Variants in ANO2 observed in about 807,000 individuals in gnomAD.
ANO2 encodes anoctamin 2.
A neutral mutation model predicts 124.2 loss-of-function variants in ANO2; 101 were observed. The observed-to-expected ratio is 0.81, with a 90% confidence interval of 0.69 to 0.96. The LOEUF (loss-of-function observed/expected upper bound fraction) is 0.96, where lower values mean the gene tolerates loss of function less well. Ranked by LOEUF, ANO2 falls within the 40% of genes least tolerant of loss-of-function variation. ANO2 has a pLI of 0.00. For synonymous variants in ANO2, 486 were observed against 482.5 expected (o/e 1.01, Z -0.09); for missense variants, 1,293 against 1,274.5 (o/e 1.01, Z -0.22).
In ANO2 at chr12:5,612,638, G is replaced by A; in HGVS notation, c.2087+18C>T. 1 of 1,606,334 alleles carries A rather than the reference G, an allele frequency of 6.2e-7. No homozygotes were observed. Among genetic ancestry groups the A allele is most frequent in the Non-Finnish European group, 8.5e-7 (1 of 1,173,014 alleles). On this transcript the variant is annotated intron_variant, in intron 19 of 24. Transcript: ENST00000682330. ...CCCCTGGCAGCAAGGAGAGAGGTTA[G>A]AGGAGTTCATTACATACGGGACTCC... is the stretch of plus-strand genomic sequence containing the variant.
Position 5,624,129 on chromosome 12 carries a change from A to G in ANO2, c.1817-8832T>C, listed in dbSNP as rs145209197. Reference sequence around the variant, plus strand: ...AGTCAGAAAGGTAACTCTTGCCCCTATGCAAAGGAGCATGAGACCTACTGA... The same window carrying G: ...AGTCAGAAAGGTAACTCTTGCCCCTGTGCAAAGGAGCATGAGACCTACTGA... On this transcript the variant is annotated intron_variant, in intron 16 of 24. Transcript: ENST00000682330. 3.6e-3 allele frequency among the ~76,000 whole-genome samples: 542 copies of G among 152,272 alleles called. 8 individuals carry two copies. Among genetic ancestry groups the G allele is most frequent in the African/African-American group, 0.013 (522 of 41,558 alleles).
At chr12:5,831,388 A>C (rs964489507) in intron 5 of ANO2, among the ~76,000 whole-genome samples, 1 of 152,208 alleles carries the variant, frequency 6.6e-6, no homozygotes, top group African/African-American at 2.4e-5. Context: ...GTGCATGTGA[A>C]GTGACCATTC....
intron 19 of ANO2, among the ~76,000 whole-genome samples, chr12:5,600,950 T>C (rs1464477934): frequency 1.2e-4 from 19 of 152,236 alleles, no homozygotes. Context: ...TAACAGCTAA[T>C]GAAAATCTAA....
intron 4 of ANO2, chr12:5,839,732 T>C (rs76082116): frequency 0.086 from 36,401 of 423,030 alleles, 2,102 homozygotes; most frequent in East Asian, 0.24. Flanking sequence ...CATCATTTCA[T>C]CCACGGTCCA....
Position 5,677,587 on chromosome 12 carries a change from G to T in ANO2, c.1546-29786C>A, listed in dbSNP as rs564652249. Among the ~76,000 whole-genome samples the T allele has an allele frequency of 1.7e-3, 262 of 152,196 alleles. 1 individual carries two copies. The highest frequency in any genetic ancestry group is 5.9e-3 in the African/African-American group (247 of 41,520). On this transcript the variant is annotated intron_variant, in intron 14 of 24. Coordinates refer to ENST00000682330, the MANE Select transcript of ANO2 (RefSeq NM_001364791.2). ...TTCTCTATGCTGTTCTCCACTCTGA[G>T]GAGCAGAGTGGAGAGGAGCATGAGA...
chr12:5,840,202 G>A (rs1954469779), intron 4 of ANO2, among the ~76,000 whole-genome samples: 2 of 152,158 alleles, frequency 1.3e-5, no homozygotes, highest in South Asian at 4.1e-4. Context: ...CGCCTTTCAT[G>A]TGCTTAAAAT....
chr12:5,901,854 G>A (rs567832313), intron 3 of ANO2, among the ~76,000 whole-genome samples: 1 of 152,306 alleles, frequency 6.6e-6, no homozygotes, highest in African/African-American at 2.4e-5. Flanking sequence ...TAGGACATAA[G>A]AGCATCAAAA....
chr12:5,598,965 C>T, intron 20 of ANO2, among the ~76,000 whole-genome samples: 1 of 47,294 alleles, frequency 2.1e-5, no homozygotes, highest in East Asian at 3.6e-4. Flanking sequence ...GAAATAGACC[C>T]AACTTTTGTT....
intron 14 of ANO2, among the ~76,000 whole-genome samples, chr12:5,720,085 G>C (rs1417851838): frequency 6.6e-6 from 1 of 152,018 alleles, no homozygotes; most frequent in Non-Finnish European, 1.5e-5. Flanking sequence ...TCAGTGACAG[G>C]ACTGCAATGA....
chr12:5,887,382 T>C (rs1053255343), intron 3 of ANO2, among the ~76,000 whole-genome samples: 4 of 152,198 alleles, frequency 2.6e-5, no homozygotes, highest in African/African-American at 9.7e-5. Flanking sequence ...AATGTGTGAT[T>C]AGAGATCACT....
chr12:5,896,481 C>T (rs1433021575), intron 3 of ANO2, among the ~76,000 whole-genome samples: 2 of 152,092 alleles, frequency 1.3e-5, no homozygotes, highest in Non-Finnish European at 2.9e-5. Flanking sequence ...GAAACTCCAG[C>T]TTTAATACAT....
intron 16 of ANO2, among the ~76,000 whole-genome samples, chr12:5,628,689 C>CGA (rs1945538679): frequency 2.0e-5 from 3 of 149,792 alleles, no homozygotes; most frequent in African/African-American, 7.4e-5. Flanking sequence ...TGTGTGTGTG[C>CGA]GCGCGCGCAC....
intron 13 of ANO2, 102 bp from the exon 14 acceptor site, chr12:5,732,732 T>C (rs1950694219): frequency 6.6e-7 from 1 of 1,512,426 alleles, no homozygotes; most frequent in African/African-American, 1.4e-5. Context: ...CGTTTAGGAT[T>C]GGATGCTATT....
At chr12:5,877,500 T>C (rs1246208251) in intron 3 of ANO2, among the ~76,000 whole-genome samples, 2 of 152,200 alleles carry the variant, frequency 1.3e-5, no homozygotes, top group East Asian at 3.8e-4. Flanking sequence ...CAGTGTGATA[T>C]GGTGGCTAGA....
At chr12:5,573,376 G>A (rs760837581) in intron 23 of ANO2, among the ~76,000 whole-genome samples, 2 of 152,138 alleles carry the variant, frequency 1.3e-5, no homozygotes, top group Non-Finnish European at 2.9e-5. Context: ...AGAAACAGAC[G>A]ATGTGAGCCT....
intron 7 of ANO2, among the ~76,000 whole-genome samples, 187 bp downstream of exon 7, chr12:5,827,582 A>G (rs1224308237): frequency 6.6e-6 from 1 of 152,226 alleles, no homozygotes; most frequent in Admixed American, 6.5e-5. Context: ...GGGCAGCCCC[A>G]CTGAGAAATG....
At chr12:5,779,345 C>G (rs141043990) in intron 10 of ANO2, among the ~76,000 whole-genome samples, 1 of 152,302 alleles carries the variant, frequency 6.6e-6, no homozygotes, top group Non-Finnish European at 1.5e-5. Flanking sequence ...AATCAATCTC[C>G]CTTCTCCATT....
intron 20 of ANO2, among the ~76,000 whole-genome samples, chr12:5,581,681 T>C (rs1942764585): frequency 6.6e-6 from 1 of 152,154 alleles, no homozygotes; most frequent in South Asian, 2.1e-4. Flanking sequence ...CATAACAAAA[T>C]GTCCCTCCTC....
chr12:5,920,973 G>C (rs868240767), intron 3 of ANO2, 67 bp downstream of exon 3: 19 of 1,515,116 alleles, frequency 1.3e-5, no homozygotes, highest in African/African-American at 1.2e-4. Flanking sequence ...AGGTGGCACT[G>C]CTCACTAGGA....
Sources: allele counts gnomAD v4.1 joint callset (sites outside exome capture counted in the v4.1 genomes callset), GRCh38; gene constraint gnomAD v4.1.1; transcripts MANE v1.5; gene names NCBI Gene and HGNC (gene_info 2026-07-23, HGNC 2026-07-21).